The following GRM8 variants were observed in gnomAD, a reference collection of about 807,000 sequenced individuals.
GRM8 encodes the protein metabotropic glutamate receptor 8.
GRM8 carries 47 observed loss-of-function variants against 87.2 expected under a neutral mutation model. The ratio of observed to expected loss-of-function variants is 0.54; its 90% CI spans 0.43 to 0.69. The LOEUF is 0.69. GRM8 is among the 30% of genes least tolerant of loss of function. The pLI, the probability that GRM8 is intolerant of heterozygous loss-of-function variation, is 0.00. For missense variants in GRM8, 1,019 were observed against 1,139.2 expected, an observed-to-expected ratio of 0.89 and a Z score of 1.52; for synonymous variants, 396 against 404.5, an observed-to-expected ratio of 0.98 and a Z score of 0.25.
intron 7 of GRM8, among the ~76,000 whole-genome samples, chr7:126,716,211 T>C (rs1240101434): frequency 6.6e-6 from 1 of 152,144 alleles, no homozygotes; most frequent in African/African-American, 2.4e-5. Context: ...TCATCTGGCT[T>C]CTTTTTCAAA....
At chr7:126,588,067 C>T (rs535119287) in intron 8 of GRM8, among the ~76,000 whole-genome samples, 7 of 152,266 alleles carry the variant, frequency 4.6e-5, no homozygotes, top group African/African-American at 1.4e-4. Context: ...AATGTAATGG[C>T]TTCATCTAGA....
At chr7:126,794,508 T>A (rs1353408763) in intron 6 of GRM8, among the ~76,000 whole-genome samples, 1 of 152,180 alleles carries the variant, frequency 6.6e-6, no homozygotes, top group African/African-American at 2.4e-5. Context: ...ACACAATTCA[T>A]ATTGATTTTT....
intron 7 of GRM8, among the ~76,000 whole-genome samples, chr7:126,677,611 C>T (rs574092648): frequency 6.6e-6 from 1 of 152,152 alleles, no homozygotes; most frequent in Non-Finnish European, 1.5e-5. Flanking sequence ...AAACCAAATA[C>T]CACGTGTTCT....
chr7:126,830,067 G>A (rs542716484), intron 6 of GRM8, among the ~76,000 whole-genome samples: 75 of 152,316 alleles, frequency 4.9e-4, no homozygotes, highest in African/African-American at 1.7e-3. Flanking sequence ...TCTGCCGAGA[G>A]ATCAGCTGTT....
At chr7:127,074,647 G>A (rs1822075659) in intron 3 of GRM8, among the ~76,000 whole-genome samples, 1 of 152,174 alleles carries the variant, frequency 6.6e-6, no homozygotes, top group Non-Finnish European at 1.5e-5. Flanking sequence ...CATTATACAA[G>A]TTGCTTTGCC....
At chr7:126,962,425 C>T (rs1181040804) in intron 3 of GRM8, among the ~76,000 whole-genome samples, 1 of 152,200 alleles carries the variant, frequency 6.6e-6, no homozygotes, top group African/African-American at 2.4e-5. Context: ...TTGTTGAATA[C>T]AAATTTGTTT....
chr7:126,933,526 C>T (rs1488804203), intron 3 of GRM8, among the ~76,000 whole-genome samples: 1 of 152,202 alleles, frequency 6.6e-6, no homozygotes, highest in South Asian at 2.1e-4. Context: ...TAAATTCTCA[C>T]AGCACCTGGT....
chr7:126,776,316 C>G (rs1453407182), intron 6 of GRM8, among the ~76,000 whole-genome samples: 3 of 152,050 alleles, frequency 2.0e-5, no homozygotes, highest in African/African-American at 7.2e-5. Flanking sequence ...TTGACAGAAT[C>G]TAACTATCTG....
intron 3 of GRM8, among the ~76,000 whole-genome samples, chr7:127,043,193 G>A (rs1223293741): frequency 1.3e-5 from 2 of 152,178 alleles, no homozygotes; most frequent in Non-Finnish European, 2.9e-5. Context: ...CAACCATTGT[G>A]GAAGTCAGTG....
Position 126,478,888 on chromosome 7 carries a change from T to C in GRM8, c.2431-32516A>G, listed in dbSNP as rs576581621. Among the ~76,000 whole-genome samples, 3 of 152,246 alleles carry C rather than the reference T, an allele frequency of 2.0e-5. No individual in the cohort carries two copies. In the South Asian group the frequency reaches 6.2e-4, roughly 32 times the overall value. On this transcript the variant is annotated intron_variant, in intron 9 of 10. Transcript: ENST00000339582. ...TATGATAAAGAATATGAAGAATCAA[T>C]ACTGCCCTAGATCAAAGCAGAAATG...
intron 6 of GRM8, among the ~76,000 whole-genome samples, chr7:126,895,777 C>A (rs1009059916): frequency 2.0e-5 from 3 of 151,828 alleles, no homozygotes; most frequent in African/African-American, 7.3e-5. Flanking sequence ...TGTTCAAGAC[C>A]CACTAGCAAA....
At chr7:126,762,508 T>C (rs913292817) in intron 7 of GRM8, among the ~76,000 whole-genome samples, 2 of 152,074 alleles carry the variant, frequency 1.3e-5, no homozygotes, top group Non-Finnish European at 2.9e-5. Flanking sequence ...AACAAAGACA[T>C]TTCTTGTTTA....
intron 9 of GRM8, among the ~76,000 whole-genome samples, chr7:126,482,103 A>G (rs989628107): frequency 3.3e-5 from 5 of 152,056 alleles, no homozygotes; most frequent in African/African-American, 1.2e-4. Context: ...TAAGTATGAG[A>G]CACCACCTGA....
At chr7:127,171,079 C>T (rs975625664) in intron 2 of GRM8, among the ~76,000 whole-genome samples, 9 of 152,130 alleles carry the variant, frequency 5.9e-5, no homozygotes, top group African/African-American at 2.2e-4. Context: ...TTGATTCCAA[C>T]CTTCATGGAC....
At chr7:126,833,508 A>G (rs993356913) in intron 6 of GRM8, among the ~76,000 whole-genome samples, 4 of 152,234 alleles carry the variant, frequency 2.6e-5, no homozygotes, top group African/African-American at 9.6e-5. Context: ...TGGGAAGTCC[A>G]AAATCAGGGT....
At chr7:126,746,823 G>A (rs1454275355) in intron 7 of GRM8, among the ~76,000 whole-genome samples, 1 of 151,518 alleles carries the variant, frequency 6.6e-6, no homozygotes, top group Non-Finnish European at 1.5e-5. Flanking sequence ...GAAATGTCTT[G>A]ATAACAATGA....
intron 3 of GRM8, among the ~76,000 whole-genome samples, chr7:127,029,943 C>T (rs1259859297): frequency 1.2e-4 from 19 of 152,072 alleles, no homozygotes; most frequent in Non-Finnish European, 2.9e-5. Context: ...ATACAACAAA[C>T]ACACAACCTA....
At chr7:127,128,263 C>A (rs1319065181) in intron 2 of GRM8, among the ~76,000 whole-genome samples, 1 of 152,050 alleles carries the variant, frequency 6.6e-6, no homozygotes, top group Non-Finnish European at 1.5e-5. Flanking sequence ...GATTTATTAA[C>A]CTCATATGGA....
In GRM8 at chr7:126,585,333, T is replaced by C. The variant is rs577944937; in HGVS notation, c.1494+24029A>G. On this transcript the variant is annotated intron_variant, in intron 8 of 10. Coordinates refer to ENST00000339582, the MANE Select transcript of GRM8 (RefSeq NM_000845.3). ...AGTATTAGTGAGAATTAAAAACACA[T>C]CTCCTAATTTCCAGTTATGCTTTTC... 7.9e-5 allele frequency among the ~76,000 whole-genome samples: 12 copies of C among 152,236 alleles called. No individual in the cohort carries two copies. In the South Asian group the frequency reaches 2.5e-3, roughly 32 times the overall value.
Sources: allele counts gnomAD v4.1 joint callset (sites outside exome capture counted in the v4.1 genomes callset), GRCh38; gene constraint gnomAD v4.1.1; transcripts MANE v1.5; gene names NCBI Gene and HGNC (gene_info 2026-07-23, HGNC 2026-07-21).